CREBBP: variants seen among roughly 807,000 people sequenced by gnomAD.
CREBBP encodes the protein CREB-binding protein.
In CREBBP, 19 loss-of-function variants were observed where a neutral mutation model predicts 265.0. The ratio of observed to expected loss-of-function variants is 0.07; its 90% CI spans 0.05 to 0.11. The LOEUF (loss-of-function observed/expected upper bound fraction) is 0.11, where lower values mean the gene tolerates loss of function less well. CREBBP is among the 10% of genes least tolerant of loss of function. The pLI, the probability that CREBBP is intolerant of heterozygous loss-of-function variation, is 1.00. For missense variants in CREBBP, 2,525 were observed against 3,219.0 expected (o/e 0.78, Z 5.22); for synonymous variants, 1,457 against 1,223.7 (o/e 1.19, Z -3.98).
intron 2 of CREBBP, among the ~76,000 whole-genome samples, chr16:3,813,861 A>T (rs1414050385): frequency 6.6e-6 from 1 of 152,208 alleles, no homozygotes; most frequent in Non-Finnish European, 1.5e-5. Flanking sequence ...TAGGCCCAGC[A>T]TTGACAAACC....
chr16:3,767,811 A>G lies in CREBBP; in HGVS notation c.3159T>C (p.Pro1053=), dbSNP rs2052893651. ...SEPMEVDEKK[P]EVKVEVKEEE... is the part of the protein sequence containing the mutation. ...CCTCTTTAACTTCTACTTTCACTTCAGGTTTCTTTTCATCCACTTCCATTG... is the reference window on the plus strand; with the variant it reads ...CCTCTTTAACTTCTACTTTCACTTCGGGTTTCTTTTCATCCACTTCCATTG... Residue 1053 remains proline, a synonymous_variant, in exon 16 of 31, where the codon CCT becomes CCC. Transcript: ENST00000262367. 3 of 1,613,958 alleles carry G rather than the reference A, an allele frequency of 1.9e-6. No individual in the cohort carries two copies. The highest frequency in any genetic ancestry group is 1.3e-5 in the African/African-American group (1 of 74,894).
In CREBBP at chr16:3,777,662, G is replaced by T; in HGVS notation, c.2114-5C>A. ...CTGGCAGGGACAGGGGTCCATCTAT[G>T]GTGGCAAAACAAAAACAAAAACAAA... On this transcript the variant is annotated splice_region_variant and splice_polypyrimidine_tract_variant and intron_variant, in intron 10 of 30. Coordinates refer to ENST00000262367, the MANE Select transcript of CREBBP (RefSeq NM_004380.3). 1.9e-6 allele frequency: 3 copies of T among 1,613,898 alleles called. No homozygotes were observed. The highest frequency in any genetic ancestry group is 2.5e-6 in the Non-Finnish European group (3 of 1,179,986).
At chr16:3,835,935 G>A (rs1216599352) in intron 2 of CREBBP, among the ~76,000 whole-genome samples, 1 of 151,858 alleles carries the variant, frequency 6.6e-6, no homozygotes, top group African/African-American at 2.4e-5. Flanking sequence ...CCATTAATGG[G>A]AGAACGGACA....
intron 1 of CREBBP, among the ~76,000 whole-genome samples, chr16:3,875,147 G>A (rs1339954309): frequency 6.6e-6 from 1 of 152,196 alleles, no homozygotes; most frequent in African/African-American, 2.4e-5. Flanking sequence ...CAGTCTCTTT[G>A]TAAGTTATGT....
intron 21 of CREBBP, among the ~76,000 whole-genome samples, chr16:3,749,253 T>C (rs1337146304): frequency 6.6e-6 from 1 of 152,232 alleles, no homozygotes; most frequent in Non-Finnish European, 1.5e-5. Flanking sequence ...AGGTTTTCTT[T>C]CTGGTATTTC....
At chr16:3,808,197 G>C (rs1312751504) in intron 3 of CREBBP, among the ~76,000 whole-genome samples, 1 of 151,932 alleles carries the variant, frequency 6.6e-6, no homozygotes, top group African/African-American at 2.4e-5. Context: ...GAGAGGAAAA[G>C]AAGTGGTTCT....
chr16:3,751,528 G>C (rs1033331705), intron 20 of CREBBP, among the ~76,000 whole-genome samples, 198 bp downstream of exon 20: 28 of 152,176 alleles, frequency 1.8e-4, no homozygotes, highest in Non-Finnish European at 3.4e-4. Context: ...AGTGGTCAAG[G>C]CTGCAGTGAG....
chr16:3,752,143 G>A (rs942293067), intron 19 of CREBBP, among the ~76,000 whole-genome samples: 1 of 152,062 alleles, frequency 6.6e-6, no homozygotes, highest in Non-Finnish European at 1.5e-5. Flanking sequence ...GGCTCGGTCC[G>A]GCTCCAAGAG....
At chr16:3,745,120 C>T (rs761270702) in intron 22 of CREBBP, among the ~76,000 whole-genome samples, 157 bp downstream of exon 22, 9 of 152,120 alleles carry the variant, frequency 5.9e-5, no homozygotes, top group Non-Finnish European at 5.9e-5. Context: ...ATTCCTAAAG[C>T]GGACAAACGC....
chr16:3,732,063 ATACGTGAACGGCTACAGG>A, intron 28 of CREBBP, 126 bp from the exon 29 acceptor site: 2 of 1,558,148 alleles, frequency 1.3e-6, no homozygotes, highest in South Asian at 2.2e-5. Context: ...GGCAGACCCC[ATACGTGAACGGCTACAGG>A]TGGCTGTAGG....
chr16:3,737,324 T>C (rs2052087714), intron 26 of CREBBP, among the ~76,000 whole-genome samples: 1 of 152,148 alleles, frequency 6.6e-6, no homozygotes, highest in South Asian at 2.1e-4. Flanking sequence ...CAAGACAGCA[T>C]ACGCTGCAGG....
At position 3,825,329 on chromosome 16, in the gene CREBBP, T is replaced by C. The variant is rs75036568; in HGVS notation, c.799-14550A>G. On this transcript the variant is annotated intron_variant, in intron 2 of 30. Transcript: ENST00000262367. ...TTTTACTTAGTAAATAAAAATGCAA[T>C]CCCTGCAATCACACTACTTCAGACC... Among the ~76,000 whole-genome samples, 711 of 152,316 alleles carry C rather than the reference T, an allele frequency of 4.7e-3. 23 individuals are homozygous for C. The East Asian group carries it at 0.11, about 23-fold the overall frequency.
intron 12 of CREBBP, among the ~76,000 whole-genome samples, chr16:3,774,174 A>G (rs2053081837): frequency 6.6e-6 from 1 of 152,316 alleles, no homozygotes; most frequent in Non-Finnish European, 1.5e-5. Flanking sequence ...CTGAATAGAA[A>G]TCAATAGCAG....
intron 3 of CREBBP, among the ~76,000 whole-genome samples, chr16:3,805,469 A>G (rs965925867): frequency 6.6e-6 from 1 of 152,234 alleles, no homozygotes; most frequent in East Asian, 1.9e-4. Context: ...GTGCAGTGAA[A>G]GGAGCTTGTG....
intron 10 of CREBBP, 84 bp from the exon 11 acceptor site, chr16:3,777,741 T>G: frequency 1.3e-6 from 2 of 1,521,284 alleles, no homozygotes; most frequent in Non-Finnish European, 9.1e-7. Flanking sequence ...AATTTCTTAT[T>G]AGGACTTCAA....
At chr16:3,872,573 A>G (rs1425439549) in intron 1 of CREBBP, among the ~76,000 whole-genome samples, 1 of 152,220 alleles carries the variant, frequency 6.6e-6, no homozygotes, top group Non-Finnish European at 1.5e-5. Flanking sequence ...TTTTCCAGTT[A>G]AAGCAAGGAG....
intron 28 of CREBBP, among the ~76,000 whole-genome samples, chr16:3,734,016 A>T (rs2051986911): frequency 6.6e-6 from 1 of 152,342 alleles, no homozygotes; most frequent in South Asian, 2.1e-4. Context: ...GTAATTTTAA[A>T]AAGTTTTGTT....
chr16:3,807,450 G>T (rs1003253790), intron 3 of CREBBP, among the ~76,000 whole-genome samples: 1 of 152,204 alleles, frequency 6.6e-6, no homozygotes, highest in Non-Finnish European at 1.5e-5. Context: ...AGATTTCTTT[G>T]TAAGTGTTTG....
At chr16:3,730,091 A>G (rs574971420) in intron 30 of CREBBP, among the ~76,000 whole-genome samples, 4 of 138,914 alleles carry the variant, frequency 2.9e-5, no homozygotes, top group Admixed American at 6.9e-5. Flanking sequence ...ATCATGGACA[A>G]CATGGGATCA....
Sources: allele counts gnomAD v4.1 joint callset (sites outside exome capture counted in the v4.1 genomes callset), GRCh38; gene constraint gnomAD v4.1.1; transcripts MANE v1.5; gene names NCBI Gene and HGNC (gene_info 2026-07-23, HGNC 2026-07-21).